The following CST7 variants were observed in gnomAD, a reference collection of about 807,000 sequenced individuals.
CST7 encodes the protein cystatin F, also known as cystatin-F.
Under a neutral mutation model 13.1 loss-of-function variants are expected in CST7, and 15 were observed. The ratio of observed to expected loss-of-function variants is 1.14; its 90% CI spans 0.77 to 1.76. The LOEUF is 1.76. Ranked by LOEUF, CST7 falls within the 40% of genes most tolerant of loss-of-function variation. CST7 has a pLI of 0.00. For synonymous variants in CST7, 75 were observed against 66.9 expected (o/e 1.12, Z -0.59); for missense variants, 193 against 178.8 (o/e 1.08, Z -0.45).
chr20:24,957,958 TA>T (rs2087870337), intron 2 of CST7, among the ~76,000 whole-genome samples: 1 of 152,178 alleles, frequency 6.6e-6, no homozygotes, highest in African/African-American at 2.4e-5. Flanking sequence ...GACTCATTCC[TA>T]CTGCGCCCGC....
At position 24,957,317 on chromosome 20, in the gene CST7, T is replaced by G; in HGVS notation, c.101T>G (p.Val34Gly). 5 of 1,613,614 alleles carry G rather than the reference T, an allele frequency of 3.1e-6. No individual in the cohort carries two copies. The highest frequency in any genetic ancestry group is 4.2e-6 in the Non-Finnish European group (5 of 1,179,714). Residue 34 changes from valine (V) to glycine (G), a missense_variant, in exon 2 of 4, where the codon GTG becomes GGG. Physicochemically the swap from Val to Gly is moderately radical, Grantham distance 109 (BLOSUM62 -3). Transcript: ENST00000480798. ...DTCSQDLNSR[V>G]KPGFPKTIKT... ...TGTTCCCAGGACCTTAACTCACGTGTGAAGCCAGGATTTCCTAAAACAATA... is the reference window on the plus strand; with the variant it reads ...TGTTCCCAGGACCTTAACTCACGTGGGAAGCCAGGATTTCCTAAAACAATA...
chr20:24,957,079 G>GGGGGCAGGTGAGGA (rs1395229971), intron 1 of CST7, among the ~76,000 whole-genome samples: 2 of 1,022 alleles, frequency 2.0e-3, no homozygotes, highest in Non-Finnish European at 2.1e-3. Context: ...GGGCAGGTGA[G>GGGGGCAGGTGAGGA]GGGGGCAGGT....
chr20:24,950,585 G>A (rs889657769), intron 1 of CST7, among the ~76,000 whole-genome samples: 1 of 152,190 alleles, frequency 6.6e-6, no homozygotes, highest in African/African-American at 2.4e-5. Context: ...GGCAGCTTCT[G>A]CTCTCACTGA....
chr20:24,949,294 TCAGCACAGGCACAAACCATTGCC>T lies in CST7; in HGVS notation c.-210_-188del. 7.0e-7 allele frequency: 1 copy of T among 1,436,140 alleles called. No individual in the cohort carries two copies. The highest frequency in any genetic ancestry group is 1.4e-5 in the South Asian group (1 of 72,180). 89.0% of individuals were successfully genotyped at this position (1,436,140 alleles called of 1,614,324 possible). ...ACTGTTCCATGCTGCCCAAGAAGGC[TCAGCACAGGCACAAACCATTGCC>T]CGGCACTGGCCCGTGCTGCCTGAGA... On this transcript the variant is annotated 5_prime_UTR_variant, in exon 1 of 4. An upstream open reading frame in the 5' UTR loses its in-frame stop. Coordinates refer to ENST00000480798, the MANE Select transcript of CST7 (RefSeq NM_003650.4).
intron 2 of CST7, among the ~76,000 whole-genome samples, 171 bp downstream of exon 2, chr20:24,957,630 C>G (rs45468392): frequency 0.11 from 16,223 of 152,140 alleles, 890 homozygotes; most frequent in Middle Eastern, 0.2. Context: ...GCAGCTGAGG[C>G]CAGCATCCCC....
Position 24,949,437 on chromosome 20 carries a change from C to T in CST7, c.-69C>T, listed in dbSNP as rs747953071. 6.8e-6 allele frequency: 11 copies of T among 1,612,936 alleles called. No homozygotes were observed. Among genetic ancestry groups the T allele is most frequent in the Non-Finnish European group, 8.5e-6 (10 of 1,179,412 alleles). Reference sequence around the variant, plus strand: ...GGCACCAACCACTGCCTCCAACTGCCCCATGCTGCCTGAGAAGGCACTGCA... The same window carrying T: ...GGCACCAACCACTGCCTCCAACTGCTCCATGCTGCCTGAGAAGGCACTGCA... On this transcript the variant is annotated 5_prime_UTR_variant, in exon 1 of 4. Transcript: ENST00000480798.
At chr20:24,958,834 C>G (rs906225639) in intron 2 of CST7, 94 bp from the exon 3 acceptor site, 3 of 889,902 alleles carry the variant, frequency 3.4e-6, no homozygotes, top group Admixed American at 1.8e-5. Flanking sequence ...CCTCGGTGGG[C>G]ACCTGCACCA....
intron 1 of CST7, among the ~76,000 whole-genome samples, chr20:24,952,271 G>A (rs1600959461): frequency 6.6e-6 from 1 of 152,232 alleles, no homozygotes; most frequent in East Asian, 1.9e-4. Flanking sequence ...GGACACGGAG[G>A]CTCAGAGAGG....
At position 24,949,423 on chromosome 20, in the gene CST7, C is replaced by G. The variant is rs957774623; in HGVS notation, c.-83C>G. The G allele has an allele frequency of 6.2e-7, 1 of 1,610,354 alleles. No homozygotes were observed. On this transcript the variant is annotated 5_prime_UTR_variant, in exon 1 of 4. Coordinates refer to ENST00000480798, the MANE Select transcript of CST7 (RefSeq NM_003650.4). ...GAAGGCTCGGCACGGGCACCAACCA[C>G]TGCCTCCAACTGCCCCATGCTGCCT...
Position 24,959,056 on chromosome 20 carries a change from G to A in CST7, c.360+12G>A, listed in dbSNP as rs2087878133. The A allele has an allele frequency of 6.3e-7, 1 of 1,596,572 alleles. No homozygotes were observed. The highest frequency in any genetic ancestry group is 8.6e-7 in the Non-Finnish European group (1 of 1,164,160). On this transcript the variant is annotated intron_variant, in intron 3 of 3. Transcript: ENST00000480798. ...ACACCTTGAAGCAGGTAAAGCAGCAGGCCCTTCTCTCAGATGTGCCCTCTC... is the reference window on the plus strand; with the variant it reads ...ACACCTTGAAGCAGGTAAAGCAGCAAGCCCTTCTCTCAGATGTGCCCTCTC...
rs1462891507 is a variant in CST7, at chr20:24,949,447, C to T, written c.-59C>T. On this transcript the variant is annotated 5_prime_UTR_variant, in exon 1 of 4. Coordinates refer to ENST00000480798, the MANE Select transcript of CST7 (RefSeq NM_003650.4). ...ACTGCCTCCAACTGCCCCATGCTGC[C>T]TGAGAAGGCACTGCACGGCCACCCC... is the stretch of plus-strand genomic sequence containing the variant. 1 of 1,613,528 alleles carries T rather than the reference C, an allele frequency of 6.2e-7. No individual in the cohort carries two copies. Among genetic ancestry groups the T allele is most frequent in the Admixed American group, 1.7e-5 (1 of 59,966 alleles).
Position 24,949,594 on chromosome 20 carries a change from T to C in CST7, c.70+19T>C, listed in dbSNP as rs1468174900. ...TCCCCAGGTAAGTGGCGTTCTCCCCTGTCCGCTCCCCGGGGGTCTCTCCCT... is the reference window on the plus strand; with the variant it reads ...TCCCCAGGTAAGTGGCGTTCTCCCCCGTCCGCTCCCCGGGGGTCTCTCCCT... On this transcript the variant is annotated intron_variant, in intron 1 of 3. Coordinates refer to ENST00000480798, the MANE Select transcript of CST7 (RefSeq NM_003650.4). The C allele has an allele frequency of 6.2e-7, 1 of 1,613,382 alleles. No homozygotes were observed. Among genetic ancestry groups the C allele is most frequent in the Non-Finnish European group, 8.5e-7 (1 of 1,179,720 alleles).
At chr20:24,949,806 A>G (rs1417254567) in intron 1 of CST7, among the ~76,000 whole-genome samples, 1 of 152,218 alleles carries the variant, frequency 6.6e-6, no homozygotes, top group African/African-American at 2.4e-5. Context: ...CCAGAAGGCT[A>G]GGGGCAAGGG....
chr20:24,952,189 T>A (rs1184433434), intron 1 of CST7, among the ~76,000 whole-genome samples: 1 of 152,240 alleles, frequency 6.6e-6, no homozygotes, highest in Non-Finnish European at 1.5e-5. Context: ...TGCACATCAT[T>A]TATTGACAAG....
Position 24,957,461 on chromosome 20 carries a change from T to C in CST7, c.243+2T>C. On this transcript the variant is annotated splice_donor_variant, in intron 2 of 3. Transcript: ENST00000480798. LOFTEE classifies it high-confidence loss of function. ...CGCATCACAAGGGCCCTAGTTCAGG[T>C]AACGGTCTGGGTTCTGGTCACATAT... is the stretch of plus-strand genomic sequence containing the variant. 1 of 1,613,038 alleles carries C rather than the reference T, an allele frequency of 6.2e-7. No homozygotes were observed. The highest frequency in any genetic ancestry group is 8.5e-7 in the Non-Finnish European group (1 of 1,179,420).
At chr20:24,952,112 A>G (rs2087823086) in intron 1 of CST7, among the ~76,000 whole-genome samples, 1 of 152,230 alleles carries the variant, frequency 6.6e-6, no homozygotes, top group African/African-American at 2.4e-5. Flanking sequence ...CAATGGGGGC[A>G]TTCATTTGCC....
At chr20:24,954,159 T>C (rs369185974) in intron 1 of CST7, among the ~76,000 whole-genome samples, 9 of 152,204 alleles carry the variant, frequency 5.9e-5, no homozygotes, top group African/African-American at 2.2e-4. Context: ...ACAGTCCGTC[T>C]TGAATGAGGA....
chr20:24,959,163 G>A (rs1011603882), intron 3 of CST7, 119 bp downstream of exon 3: 18 of 799,036 alleles, frequency 2.3e-5, no homozygotes, highest in Non-Finnish European at 4.2e-6. Context: ...TCACCCCTGA[G>A]GAAGCCAGGC....
At chr20:24,953,207 A>G (rs735886) in intron 1 of CST7, among the ~76,000 whole-genome samples, 74,989 of 152,100 alleles carry the variant, frequency 0.49, 19,730 homozygotes, top group East Asian at 0.92. Flanking sequence ...ATGCTCAGAA[A>G]CACGGGGCTG....
Sources: gnomAD v4.1 joint callset for allele counts (sites outside exome capture counted in the v4.1 genomes callset) on GRCh38, gnomAD v4.1.1 for gene constraint, MANE v1.5 for transcripts, NCBI Gene and HGNC (gene_info 2026-07-23, HGNC 2026-07-21) for gene names.